CCDC9: variants seen among roughly 807,000 people sequenced by gnomAD.
CCDC9 encodes the protein coiled-coil domain containing 9.
Under a neutral mutation model 65.6 loss-of-function variants are expected in CCDC9, and 52 were observed. That is an observed-to-expected ratio of 0.79 (90% CI 0.63 to 1.00). CCDC9 has a LOEUF of 1.00. Among genes scored for constraint, CCDC9 ranks in the 50% least tolerant of loss-of-function variants. The probability of loss-of-function intolerance (pLI) is 0.00; values close to 1 mark genes in which losing one functional copy is unlikely to be tolerated. For synonymous variants in CCDC9, 332 were observed against 280.3 expected (o/e 1.18, Z -1.84); for missense variants, 834 against 757.2 (o/e 1.10, Z -1.19).
intron 8 of CCDC9, among the ~76,000 whole-genome samples, chr19:47,268,966 G>A (rs2059099470): frequency 6.6e-6 from 1 of 151,832 alleles, no homozygotes; most frequent in African/African-American, 2.4e-5. Context: ...GCCAGGCGTG[G>A]TGGCTCATGC....
chr19:47,273,322 C>G, downstream of CCDC9: 1 of 1,214,454 alleles, frequency 8.2e-7, no homozygotes, highest in Non-Finnish European at 1.0e-6. Flanking sequence ...GGGAAGACTG[C>G]TCCCCTCCGC....
intron 11 of CCDC9, 23 bp downstream of exon 11, chr19:47,271,210 G>T (rs755932401): frequency 1.0e-5 from 16 of 1,606,586 alleles, no homozygotes; most frequent in Non-Finnish European, 1.4e-5. Context: ...TGTGGTTCAG[G>T]GCACGGGCCT....
At position 47,260,914 on chromosome 19, in the gene CCDC9, T is replaced by C. The variant is rs114489765; in HGVS notation, c.462+75T>C. On this transcript the variant is annotated intron_variant, in intron 5 of 11. Transcript: ENST00000221922. ...GTTTCTGTTTTTTCCTCCTCTCAGA[T>C]GCACATTTGTCCTGTGTGTCCATCT... 2.0e-4 allele frequency: 309 copies of C among 1,518,106 alleles called. 1 individual carries two copies. In the African/African-American group the frequency reaches 3.7e-3, roughly 18 times the overall value. The allele number at this position is 1,518,106 out of a possible 1,614,324, so 94.0% of individuals were successfully genotyped here.
downstream of CCDC9, chr19:47,274,799 T>TTGGCGGG: frequency 1.7e-6 from 1 of 603,822 alleles, no homozygotes; most frequent in Non-Finnish European, 2.0e-6. Flanking sequence ...GTGACCATGC[T>TTGGCGGG]GGCGGGGGCG....
Position 47,271,315 on chromosome 19 carries a change from C to A in CCDC9, c.1233C>A (p.Asp411Glu). The A allele has an allele frequency of 1.2e-6, 2 of 1,610,786 alleles. No homozygotes were observed. The highest frequency in any genetic ancestry group is 1.7e-4 in the Middle Eastern group (1 of 6,060). ...CTCCTGCCCACCGGCCTCCTGAAGA[C>A]GAGGGGGAAGAGAATGAGGGGGAAG... ...IPAPAHRPPE[D>E]EGEENEGEED... Residue 411 changes from aspartate to glutamate, a missense_variant, in exon 12 of 12, where the codon GAC (aspartate) becomes GAA (glutamate). Physicochemically the swap from Asp to Glu is conservative, Grantham distance 45 (BLOSUM62 2). Transcript: ENST00000221922.
At chr19:47,259,206 G>A (rs181435453) in intron 3 of CCDC9, among the ~76,000 whole-genome samples, 4 of 152,332 alleles carry the variant, frequency 2.6e-5, no homozygotes, top group African/African-American at 9.6e-5. Context: ...GGAGCTTCAA[G>A]TTGGAGGGTT....
intron 9 of CCDC9, 32 bp from the exon 10 acceptor site, chr19:47,270,521 C>A: frequency 6.2e-7 from 1 of 1,614,158 alleles, no homozygotes; most frequent in Non-Finnish European, 8.5e-7. Flanking sequence ...GCCACACCTT[C>A]CCTTCCCAAT....
intron 2 of CCDC9, 73 bp from the exon 3 acceptor site, chr19:47,258,486 C>G (rs1194485009): frequency 1.2e-6 from 2 of 1,605,936 alleles, no homozygotes; most frequent in Non-Finnish European, 1.7e-6. Context: ...GGCAGACTCT[C>G]AGACCCTGGG....
chr19:47,275,600 C>G (rs6612), downstream of CCDC9: 186,848 of 534,604 alleles, frequency 0.35, 34,174 homozygotes, highest in East Asian at 0.6. Flanking sequence ...CCTGCCCCTC[C>G]TGCTGTGGGA....
Position 47,270,704 on chromosome 19 carries a change from T to G in CCDC9, c.1085+16T>G. ...GGGCCTACAGGTGGGGCACCCCTTC[T>G]GCGGGCTTGCATACCCCCAGGGCTC... On this transcript the variant is annotated intron_variant, in intron 10 of 11. Transcript: ENST00000221922. 1 of 1,605,518 alleles carries G rather than the reference T, an allele frequency of 6.2e-7. No individual in the cohort carries two copies. Among genetic ancestry groups the G allele is most frequent in the Non-Finnish European group, 8.5e-7 (1 of 1,178,104 alleles).
intron 7 of CCDC9, 27 bp from the exon 8 acceptor site, chr19:47,266,584 C>T (rs1253042277): frequency 6.7e-7 from 1 of 1,497,144 alleles, no homozygotes; most frequent in Non-Finnish European, 9.0e-7. Context: ...GGGACATCAC[C>T]CTGACTCCCT....
downstream of CCDC9, chr19:47,274,111 GGA>G (rs2059141340): frequency 2.3e-6 from 1 of 442,788 alleles, no homozygotes; most frequent in Non-Finnish European, 3.0e-6. Flanking sequence ...TTGGCTCTAG[GGA>G]GAGGGAAAAG....
At chr19:47,272,272 AC>A, downstream of CCDC9, 1 of 693,278 alleles carries the variant, frequency 1.4e-6, no homozygotes, top group South Asian at 7.4e-5. Context: ...TAGCAGTTGG[AC>A]CATAGAGGTG....
chr19:47,263,214 C>A (rs2059057124), intron 5 of CCDC9, among the ~76,000 whole-genome samples: 1 of 152,036 alleles, frequency 6.6e-6, no homozygotes, highest in South Asian at 2.1e-4. Flanking sequence ...CTGTTATTAC[C>A]ACCACTATGA....
chr19:47,273,360 C>T (rs532966156), downstream of CCDC9: 128 of 1,231,760 alleles, frequency 1.0e-4, no homozygotes, highest in Non-Finnish European at 1.0e-4. Flanking sequence ...TCCTCAGAGG[C>T]AGGCCCCGAA....
At chr19:47,274,272 C>T (rs962849265), downstream of CCDC9, among the ~76,000 whole-genome samples, 2 of 144,288 alleles carry the variant, frequency 1.4e-5, no homozygotes, top group Admixed American at 7.0e-5. Context: ...GCTAGGCTGC[C>T]TGGGCGGGGC....
chr19:47,272,023 G>A (rs757441598), downstream of CCDC9: 39 of 1,237,168 alleles, frequency 3.2e-5, no homozygotes, highest in Non-Finnish European at 3.6e-5. Flanking sequence ...GGGGTGGGGA[G>A]ATGTCAGGCG....
chr19:47,273,713 G>A (rs964300382), downstream of CCDC9: 4 of 371,900 alleles, frequency 1.1e-5, no homozygotes, highest in Non-Finnish European at 1.9e-5. Context: ...GCTCGAGCCA[G>A]TCTTCAGGCC....
chr19:47,274,488 C>T (rs73061378), downstream of CCDC9: 15,171 of 154,646 alleles, frequency 0.098, 922 homozygotes, highest in South Asian at 0.2. Flanking sequence ...TGGAGTAGAG[C>T]AGTCCGACAG....
Sources: allele counts gnomAD v4.1 joint callset (sites outside exome capture counted in the v4.1 genomes callset), GRCh38; gene constraint gnomAD v4.1.1; transcripts MANE v1.5; gene names NCBI Gene and HGNC (gene_info 2026-07-23, HGNC 2026-07-21).